Variants in POLG observed in about 807,000 individuals in gnomAD.
The protein encoded by POLG is DNA polymerase gamma, catalytic subunit, also known as DNA polymerase subunit gamma-1.
Under a neutral mutation model 155.4 loss-of-function variants are expected in POLG, and 110 were observed. That is an observed-to-expected ratio of 0.71 (90% confidence interval 0.61 to 0.83). POLG has a LOEUF of 0.83. Among genes scored for constraint, POLG ranks in the 40% least tolerant of loss-of-function variants. The pLI is 0.00. For missense variants in POLG, 1,685 were observed against 1,627.5 expected (o/e 1.04, Z -0.61); for synonymous variants, 701 against 631.5 (o/e 1.11, Z -1.65).
intron 3 of POLG, among the ~76,000 whole-genome samples, 161 bp from the exon 4 acceptor site, chr15:89,329,271 G>A (rs1369954726): frequency 1.3e-5 from 2 of 152,158 alleles, no homozygotes; most frequent in Non-Finnish European, 2.9e-5. Flanking sequence ...GAATCCTCAT[G>A]CTTGTTCATG....
rs775260762 is a variant in POLG at position 89,320,764 on chromosome 15, A to G, written c.2981+2T>C. The stretch of plus-strand genomic sequence containing the variant: ...TAAAGTGGATGGGAGAGGGACCCTC[A>G]CCAGCGGAGGCCCTTGGTGGCAGCG... On this transcript the variant is annotated splice_donor_variant, in intron 18 of 22. Transcript: ENST00000268124. LOFTEE classifies it high-confidence loss of function. The G allele has an allele frequency of 6.2e-7, 1 of 1,612,624 alleles. No individual in the cohort carries two copies. The highest frequency in any genetic ancestry group is 8.5e-7 in the Non-Finnish European group (1 of 1,179,980).
chr15:89,318,463 A>G, intron 21 of POLG, 78 bp downstream of exon 21: 2 of 1,163,786 alleles, frequency 1.7e-6, no homozygotes, highest in Non-Finnish European at 2.6e-6. Flanking sequence ...AAAACTGACC[A>G]GTCTGGCCCA....
chr15:89,321,084 T>C, intron 17 of POLG, 41 bp downstream of exon 17: 2 of 1,278,928 alleles, frequency 1.6e-6, no homozygotes, highest in Non-Finnish European at 2.1e-6. Context: ...ACTGTCAATA[T>C]GCTGAGGGGC....
At position 89,330,293 on chromosome 15, in the gene POLG, G is replaced by T. The variant is rs1334302031; in HGVS notation, c.660-17C>A. On this transcript the variant is annotated splice_polypyrimidine_tract_variant and intron_variant, in intron 2 of 22. Coordinates refer to ENST00000268124, the MANE Select transcript of POLG (RefSeq NM_002693.3). ...CAGGAATACCTGAGGGAGGTGAGAG[G>T]CAGGCAGGTTCACCATGGAGACATT... The T allele has an allele frequency of 1.9e-6, 3 of 1,599,910 alleles. No individual in the cohort carries two copies. The highest frequency in any genetic ancestry group is 2.7e-5 in the African/African-American group (2 of 74,884).
At chr15:89,317,073 T>C in intron 22 of POLG, 1 of 590,550 alleles carries the variant, frequency 1.7e-6, no homozygotes, top group East Asian at 2.9e-5. Flanking sequence ...ACAGTTTGTT[T>C]TTCTGTCACC....
At chr15:89,316,932 G>A in intron 22 of POLG, 105 bp from the exon 23 acceptor site, 1 of 850,944 alleles carries the variant, frequency 1.2e-6, no homozygotes, top group Admixed American at 1.8e-5. Flanking sequence ...GAGAGTGAAA[G>A]GTTGAGAACA....
chr15:89,320,650 G>C, intron 18 of POLG, 116 bp downstream of exon 18: 1 of 1,167,104 alleles, frequency 8.6e-7, no homozygotes, highest in Middle Eastern at 2.8e-4. Context: ...TGGAAGGAGA[G>C]GGGCTAGGTG....
At chr15:89,327,116 G>GC in intron 7 of POLG, 51 bp downstream of exon 7, 1 of 1,612,366 alleles carries the variant, frequency 6.2e-7, no homozygotes. Context: ...AGGCTAGGCC[G>GC]CCCACCTGCC....
intron 13 of POLG, 50 bp from the exon 14 acceptor site, chr15:89,322,952 G>A: frequency 6.3e-7 from 1 of 1,588,308 alleles, no homozygotes; most frequent in Non-Finnish European, 8.6e-7. Flanking sequence ...CAGACCCCTG[G>A]GTGGGGAACC....
At position 89,321,293 on chromosome 15, in the gene POLG, C is replaced by CTTCCTACCCCAA. The variant is rs768458358; in HGVS notation, c.2599-34_2599-33insTTGGGGTAGGAA. 2.5e-6 allele frequency: 4 copies of CTTCCTACCCCAA among 1,611,878 alleles called. No individual in the cohort carries two copies. In the East Asian group the frequency reaches 8.9e-5, roughly 36 times the overall value. On this transcript the variant is annotated intron_variant, in intron 16 of 22. Coordinates refer to ENST00000268124, the MANE Select transcript of POLG (RefSeq NM_002693.3). ...AAGAGTGAGATACCCAAATGAGACT[C>CTTCCTACCCCAA]TTCCTACCCCATTCCTGGAGCCAGA...
At position 89,333,773 on chromosome 15, in the gene POLG, C is replaced by G. The variant is rs767466416; in HGVS notation, c.-19G>C. On this transcript the variant is annotated 5_prime_UTR_variant, in exon 2 of 23. Transcript: ENST00000268124. The stretch of plus-strand genomic sequence containing the variant: ...GGCTCATGGTTGGTGCAGGGACCCC[C>G]ACGCTGGGAGTCAGAACACCTGGCT... 19 of 1,534,914 alleles carry G rather than the reference C, an allele frequency of 1.2e-5. No individual in the cohort carries two copies. In the East Asian group the frequency reaches 4.2e-4, roughly 34 times the overall value.
chr15:89,316,991 T>C lies in POLG; in HGVS notation c.3644-164A>G, dbSNP rs751149954. 5 of 658,776 alleles carry C rather than the reference T, an allele frequency of 7.6e-6. No individual in the cohort carries two copies. The South Asian group carries it at 8.4e-5, about 11-fold the overall frequency. The allele number at this position is 658,776 out of a possible 1,614,324, so 40.8% of individuals were successfully genotyped here. A position where few individuals can be genotyped will look rare whatever the true frequency, so the allele number is the denominator to read the frequency against. ...ATGTTAGGAGGGTCTGTTTTCTTTT[T>C]ATATAAGTGTGTCTTAGATATATTT... On this transcript the variant is annotated intron_variant, in intron 22 of 22. Coordinates refer to ENST00000268124, the MANE Select transcript of POLG (RefSeq NM_002693.3).
Position 89,319,225 on chromosome 15 carries a change from T to A in POLG, c.3104+3A>T, listed in dbSNP as rs778573169. ...CCATCCTTAACACAAAGAAGGTTCT[T>A]ACTTCCTTGCAGTTTCTCTCTGGAC... On this transcript the variant is annotated splice_donor_region_variant and intron_variant, in intron 19 of 22. Coordinates refer to ENST00000268124, the MANE Select transcript of POLG (RefSeq NM_002693.3). The A allele has an allele frequency of 1.9e-5, 31 of 1,614,058 alleles. No homozygotes were observed. Among genetic ancestry groups the A allele is most frequent in the African/African-American group, 2.7e-5 (2 of 74,922 alleles).
intron 10 of POLG, among the ~76,000 whole-genome samples, chr15:89,325,079 AGTGAGAGAGTGAGTGAGT>A (rs2055463047): frequency 9.7e-6 from 1 of 102,602 alleles, no homozygotes; most frequent in East Asian, 2.6e-4. Context: ...TGAGTGAGTG[AGTGAGAGAGTGAGTGAGT>A]GAGAGAGTGA....
chr15:89,328,128 G>A lies in POLG; in HGVS notation c.1250+328C>T, dbSNP rs182649234. Among the ~76,000 whole-genome samples the A allele has an allele frequency of 2.0e-5, 3 of 152,128 alleles. No individual in the cohort carries two copies. In the East Asian group the frequency reaches 5.8e-4, roughly 29 times the overall value. Reference sequence around the variant, plus strand: ...ATACCTGAATTTTCAGCATACAAGGGTCACTTCATAAGACAGACTCATTAA... The same window carrying A: ...ATACCTGAATTTTCAGCATACAAGGATCACTTCATAAGACAGACTCATTAA... On this transcript the variant is annotated intron_variant, in intron 6 of 22. Coordinates refer to ENST00000268124, the MANE Select transcript of POLG (RefSeq NM_002693.3).
At chr15:89,325,277 A>AGAGTGAGTGAGTGAGT (rs2055496473) in intron 10 of POLG, among the ~76,000 whole-genome samples, 173 bp downstream of exon 10, 1 of 108,444 alleles carries the variant, frequency 9.2e-6, no homozygotes, top group African/African-American at 4.5e-5. Context: ...TGAGTGAGAG[A>AGAGTGAGTGAGTGAGT]GAGAGAAAGA....
At chr15:89,329,381 C>T (rs1410009721) in intron 3 of POLG, among the ~76,000 whole-genome samples, 1 of 152,222 alleles carries the variant, frequency 6.6e-6, no homozygotes, top group Non-Finnish European at 1.5e-5. Context: ...TTCTCAGCTT[C>T]CAACAATAGC....
chr15:89,325,273 A>AGTGAGTGAGTGAGTGAGT (rs1485600560), intron 10 of POLG, among the ~76,000 whole-genome samples, 177 bp downstream of exon 10: 1 of 107,458 alleles, frequency 9.3e-6, no homozygotes, highest in African/African-American at 4.7e-5. Flanking sequence ...TGAGTGAGTG[A>AGTGAGTGAGTGAGTGAGT]GAGAGAGAGA....
chr15:89,325,317 A>C, intron 10 of POLG, 133 bp downstream of exon 10: 2 of 656,658 alleles, frequency 3.0e-6, no homozygotes. Flanking sequence ...TGTGTGTGTT[A>C]ATTTTTTTCC....
Sources: gnomAD v4.1 joint callset for allele counts (sites outside exome capture counted in the v4.1 genomes callset) on GRCh38, gnomAD v4.1.1 for gene constraint, MANE v1.5 for transcripts, NCBI Gene and HGNC (gene_info 2026-07-23, HGNC 2026-07-21) for gene names.